The following CLSTN2 variants were observed in gnomAD, a reference collection of about 807,000 sequenced individuals.
The protein encoded by CLSTN2 is calsyntenin 2.
CLSTN2 carries 48 observed loss-of-function variants against 101.2 expected under a neutral mutation model. That is an observed-to-expected ratio of 0.47 (90% CI 0.38 to 0.60). CLSTN2 has a LOEUF of 0.60. Among genes scored for constraint, CLSTN2 ranks in the 20% least tolerant of loss-of-function variants. The probability of loss-of-function intolerance (pLI) is 0.00; values close to 1 mark genes in which losing one functional copy is unlikely to be tolerated. For synonymous variants in CLSTN2, 481 were observed against 463.6 expected (o/e 1.04, Z -0.48); for missense variants, 1,160 against 1,238.2 (o/e 0.94, Z 0.95).
chr3:140,436,156 G>A (rs908400199), intron 5 of CLSTN2, among the ~76,000 whole-genome samples: 6 of 152,190 alleles, frequency 3.9e-5, no homozygotes. Context: ...TCTTTGCCCA[G>A]ACTAATCAGT....
At chr3:140,445,597 G>C (rs1933058336) in intron 5 of CLSTN2, among the ~76,000 whole-genome samples, 1 of 152,164 alleles carries the variant, frequency 6.6e-6, no homozygotes, top group Admixed American at 6.5e-5. Flanking sequence ...TTTGGGGAGA[G>C]AGGAGAGATA....
chr3:140,125,681 C>T (rs1451998596), intron 1 of CLSTN2, among the ~76,000 whole-genome samples: 1 of 151,998 alleles, frequency 6.6e-6, no homozygotes, highest in Non-Finnish European at 1.5e-5. Flanking sequence ...TGCTGATTAC[C>T]CACTTGAGAT....
chr3:140,341,534 T>C (rs868481587), intron 2 of CLSTN2, among the ~76,000 whole-genome samples: 1 of 152,198 alleles, frequency 6.6e-6, no homozygotes, highest in African/African-American at 2.4e-5. Context: ...CTGTTGAAAG[T>C]AAACAGGGCA....
At chr3:140,105,978 G>T (rs1206149553) in intron 1 of CLSTN2, among the ~76,000 whole-genome samples, 1 of 152,178 alleles carries the variant, frequency 6.6e-6, no homozygotes, top group Non-Finnish European at 1.5e-5. Flanking sequence ...CTGGCATGGT[G>T]GGCCTGGTTT....
At position 140,376,336 on chromosome 3, in the gene CLSTN2, G is replaced by T. The variant is rs958317972; in HGVS notation, c.233-27293G>T. Among the ~76,000 whole-genome samples, 11 of 152,238 alleles carry T rather than the reference G, an allele frequency of 7.2e-5. No homozygotes were observed. In the East Asian group the frequency reaches 1.9e-3, roughly 27 times the overall value. Reference sequence around the variant, plus strand: ...AGGGCAGTGAGAGGTACTCAAGGCTGCCCCTTCTAGGCTGCTGCAGGTAGG... The same window carrying T: ...AGGGCAGTGAGAGGTACTCAAGGCTTCCCCTTCTAGGCTGCTGCAGGTAGG... On this transcript the variant is annotated intron_variant, in intron 2 of 16. Transcript: ENST00000458420.
intron 1 of CLSTN2, among the ~76,000 whole-genome samples, chr3:140,028,998 C>G (rs1352888568): frequency 2.0e-5 from 3 of 152,142 alleles, no homozygotes; most frequent in African/African-American, 7.2e-5. Context: ...GTTTCATGTT[C>G]CATTTGGAAG....
intron 2 of CLSTN2, among the ~76,000 whole-genome samples, chr3:140,368,636 C>T (rs766185419): frequency 2.6e-5 from 4 of 152,142 alleles, no homozygotes; most frequent in Admixed American, 6.6e-5. Flanking sequence ...TTCCTGCTTC[C>T]TCCTAGGACT....
At chr3:140,122,084 C>G (rs543517967) in intron 1 of CLSTN2, among the ~76,000 whole-genome samples, 27 of 152,294 alleles carry the variant, frequency 1.8e-4, no homozygotes, top group African/African-American at 6.5e-4. Flanking sequence ...AGCATGAAAC[C>G]AAGCTGGCTG....
At chr3:140,314,798 G>C (rs568704806) in intron 2 of CLSTN2, among the ~76,000 whole-genome samples, 5 of 152,050 alleles carry the variant, frequency 3.3e-5, no homozygotes, top group Middle Eastern at 3.4e-3. Flanking sequence ...ACTTACATCA[G>C]GCCCACTCAT....
intron 1 of CLSTN2, among the ~76,000 whole-genome samples, chr3:139,981,413 A>G (rs1270534204): frequency 6.6e-6 from 1 of 152,204 alleles, no homozygotes; most frequent in Non-Finnish European, 1.5e-5. Context: ...TGTGTTATTA[A>G]TGGCCTTTGA....
At chr3:140,228,603 T>C (rs1025420311) in intron 2 of CLSTN2, among the ~76,000 whole-genome samples, 1 of 152,200 alleles carries the variant, frequency 6.6e-6, no homozygotes, top group African/African-American at 2.4e-5. Flanking sequence ...ACTGTATTAG[T>C]TCATTTTCAT....
intron 1 of CLSTN2, among the ~76,000 whole-genome samples, chr3:140,051,509 A>G (rs1428772626): frequency 1.3e-5 from 2 of 152,150 alleles, no homozygotes; most frequent in Non-Finnish European, 1.5e-5. Flanking sequence ...CTGAACAGGC[A>G]AAAGGATAGG....
chr3:140,205,602 T>G, intron 2 of CLSTN2, among the ~76,000 whole-genome samples: 1 of 136,586 alleles, frequency 7.3e-6, no homozygotes, highest in African/African-American at 2.6e-5. Flanking sequence ...GTACAGTTGT[T>G]GTTTGGACCT....
chr3:139,990,292 T>A (rs1201906558), intron 1 of CLSTN2, among the ~76,000 whole-genome samples: 1 of 152,186 alleles, frequency 6.6e-6, no homozygotes, highest in East Asian at 1.9e-4. Flanking sequence ...GCCAGATGGC[T>A]GCCATGATAT....
intron 1 of CLSTN2, among the ~76,000 whole-genome samples, chr3:140,144,655 T>C (rs2009755286): frequency 6.6e-6 from 1 of 152,072 alleles, no homozygotes; most frequent in Non-Finnish European, 1.5e-5. Flanking sequence ...CCCATCTCTT[T>C]TTTCCTAAAT....
chr3:140,163,274 C>T (rs553997994), intron 1 of CLSTN2, among the ~76,000 whole-genome samples: 1 of 152,134 alleles, frequency 6.6e-6, no homozygotes, highest in East Asian at 1.9e-4. Flanking sequence ...CAAAAACTGT[C>T]ATTTCCCGGA....
intron 2 of CLSTN2, among the ~76,000 whole-genome samples, chr3:140,263,999 C>T (rs930436683): frequency 5.3e-5 from 8 of 152,120 alleles, no homozygotes; most frequent in Non-Finnish European, 7.3e-5. Context: ...TGTACTCTCA[C>T]TATCAAACTT....
chr3:140,259,415 A>G (rs749487264), intron 2 of CLSTN2, among the ~76,000 whole-genome samples: 1 of 152,166 alleles, frequency 6.6e-6, no homozygotes, highest in Non-Finnish European at 1.5e-5. Flanking sequence ...CAGAGGTTGC[A>G]ATGAGCTGAG....
intron 2 of CLSTN2, among the ~76,000 whole-genome samples, chr3:140,275,267 C>A (rs1365541865): frequency 4.4e-5 from 4 of 90,948 alleles, no homozygotes; most frequent in African/African-American, 1.4e-4. Flanking sequence ...ACAGGTACCC[C>A]TTGGGAGGAG....
Sources: allele counts gnomAD v4.1 joint callset (sites outside exome capture counted in the v4.1 genomes callset), GRCh38; gene constraint gnomAD v4.1.1; transcripts MANE v1.5; gene names NCBI Gene and HGNC (gene_info 2026-07-23, HGNC 2026-07-21).